Variants in GON4L observed in about 807,000 individuals in gnomAD.
GON4L encodes the protein GON-4-like protein.
In GON4L, 87 loss-of-function variants were observed where a neutral mutation model predicts 211.8. The ratio of observed to expected loss-of-function variants is 0.41; its 90% CI spans 0.35 to 0.49. The LOEUF (loss-of-function observed/expected upper bound fraction) is 0.49, where lower values mean the gene tolerates loss of function less well. Ranked by LOEUF, GON4L falls within the 20% of genes least tolerant of loss-of-function variation. The pLI is 0.15. For missense variants in GON4L, 2,155 were observed against 2,659.5 expected (o/e 0.81, Z 4.17); for synonymous variants, 875 against 962.6 (o/e 0.91, Z 1.68).
chr1:155,790,563 A>C (rs74871975), intron 12 of GON4L, among the ~76,000 whole-genome samples: 1 of 150,856 alleles, frequency 6.6e-6, no homozygotes, highest in African/African-American at 2.4e-5. Context: ...TTGCTGTTGC[A>C]TTTTTTTTTC....
rs750690367 is a variant in GON4L, at chr1:155,853,302, G to C, written c.479C>G (p.Pro160Arg). 8 of 1,613,938 alleles carry C rather than the reference G, an allele frequency of 5.0e-6. No individual in the cohort carries two copies. In the South Asian group the frequency reaches 8.8e-5, roughly 18 times the overall value. ...TCCTTCTTCCTTGACTTCTTCACTA[G>C]GCTCTCCTGAAAAAGGCTCCTTTAG... The part of the protein sequence containing the change: ...LTLKEPFSGE[P>R]SEEVKEEGGK... The change falls in exon 2 of 32, where the codon CCT (proline) becomes CGT (arginine). Residue 160 changes from proline to arginine, a missense_variant. Coordinates refer to ENST00000368331, the MANE Select transcript of GON4L (RefSeq NM_001282860.2).
downstream of GON4L, chr1:155,748,338 C>G (rs1660337216): frequency 6.7e-7 from 1 of 1,497,856 alleles, no homozygotes; most frequent in Non-Finnish European, 9.3e-7. Flanking sequence ...TGTTAACATT[C>G]TGCCTCCACA....
chr1:155,759,021 G>A (rs192842155), intron 24 of GON4L, among the ~76,000 whole-genome samples: 58 of 152,032 alleles, frequency 3.8e-4, no homozygotes, highest in African/African-American at 1.4e-3. Flanking sequence ...TTTGAGACAA[G>A]GTCTTGCTCT....
intron 2 of GON4L, among the ~76,000 whole-genome samples, chr1:155,851,715 C>CAA (rs113649637): frequency 6.9e-6 from 1 of 144,314 alleles, no homozygotes; most frequent in African/African-American, 2.5e-5. Context: ...GACTCCGTAT[C>CAA]AAAAAAAAAA....
chr1:155,824,762 CAA>C (rs58791710), intron 3 of GON4L, among the ~76,000 whole-genome samples: 26 of 52,084 alleles, frequency 5.0e-4, no homozygotes, highest in African/African-American at 7.8e-4. Context: ...GACTCTGTCG[CAA>C]AAAAAAAAAA....
At chr1:155,859,183 G>T (rs1338303826), upstream of GON4L, 1 of 152,694 alleles carries the variant, frequency 6.5e-6, no homozygotes, top group Admixed American at 6.5e-5. Context: ...AATCCAGGCA[G>T]TACAGAATTT....
intron 1 of GON4L, among the ~76,000 whole-genome samples, chr1:155,856,409 T>C (rs1337196228): frequency 2.6e-5 from 4 of 151,718 alleles, no homozygotes; most frequent in East Asian, 1.9e-4. Flanking sequence ...TTTTCTTTTT[T>C]TTTTTTTGTA....
Position 155,754,434 on chromosome 1 carries a change from C to T in GON4L, c.5572G>A (p.Gly1858Ser). Residue 1858 changes from glycine (G) to serine (S), a missense_variant, in exon 28 of 32, where the codon GGT becomes AGT. Around this residue, in one of 6 missense-constraint regions of GON4L, gnomAD observed 455 missense variants for 504.6 expected, o/e 0.90. Transcript: ENST00000368331. The stretch of plus-strand genomic sequence containing the variant: ...CTCTTCTTCAGCTTGGAATCTGGAC[C>T]TCCTTCATGGCAGGAGCAGGCACAG... ...KDCACSCHEG[G>S]PDSKLKKSKR... 6.2e-7 allele frequency: 1 copy of T among 1,613,534 alleles called. No individual in the cohort carries two copies. Among genetic ancestry groups the T allele is most frequent in the South Asian group, 1.1e-5 (1 of 91,078 alleles).
chr1:155,791,830 T>C (rs991297808), intron 12 of GON4L, among the ~76,000 whole-genome samples: 6 of 151,930 alleles, frequency 3.9e-5, no homozygotes, highest in Admixed American at 1.3e-4. Flanking sequence ...ATTGCACCAT[T>C]GCACTCCAGC....
At chr1:155,762,796 G>A (rs1319950726) in intron 22 of GON4L, among the ~76,000 whole-genome samples, 1 of 152,222 alleles carries the variant, frequency 6.6e-6, no homozygotes, top group East Asian at 1.9e-4. Flanking sequence ...CCAGCACTCT[G>A]GGAGGCCGAG....
chr1:155,754,630 A>C (rs1660981826), intron 27 of GON4L, 142 bp from the exon 28 acceptor site: 1 of 604,616 alleles, frequency 1.7e-6, no homozygotes, highest in Non-Finnish European at 2.9e-6. Flanking sequence ...CCCAGGTTCA[A>C]GGGATTCTCC....
chr1:155,783,857 G>A, intron 14 of GON4L, 129 bp downstream of exon 14: 1 of 1,529,652 alleles, frequency 6.5e-7, no homozygotes, highest in Non-Finnish European at 8.9e-7. Context: ...CTCCTGACAG[G>A]GCTCTGCATC....
intron 22 of GON4L, 101 bp from the exon 23 acceptor site, chr1:155,762,475 T>C (rs1442152152): frequency 4.1e-6 from 4 of 968,960 alleles, no homozygotes; most frequent in Non-Finnish European, 6.1e-6. Flanking sequence ...TTCAATATTA[T>C]GGAGCAATTC....
At chr1:155,785,593 G>A (rs188294642) in intron 12 of GON4L, among the ~76,000 whole-genome samples, 393 of 152,094 alleles carry the variant, frequency 2.6e-3, no homozygotes, top group South Asian at 0.015. Flanking sequence ...TGGTCCAATC[G>A]CTCCTCCCAC....
At chr1:155,857,687 C>A (rs1257869924), upstream of GON4L, among the ~76,000 whole-genome samples, 1 of 151,934 alleles carries the variant, frequency 6.6e-6, no homozygotes, top group African/African-American at 2.4e-5. Context: ...CGGCATCGTG[C>A]CACTGCACTC....
intron 16 of GON4L, 81 bp downstream of exon 16, chr1:155,776,314 G>C: frequency 2.1e-6 from 2 of 967,060 alleles, no homozygotes; most frequent in Admixed American, 1.8e-5. Flanking sequence ...TATAGATTAT[G>C]ATCAGTGAAT....
intron 2 of GON4L, among the ~76,000 whole-genome samples, chr1:155,840,242 G>A (rs1670655077): frequency 6.6e-6 from 1 of 152,154 alleles, no homozygotes; most frequent in Non-Finnish European, 1.5e-5. Flanking sequence ...TTAAATTCAA[G>A]TATTATTTTT....
At chr1:155,820,355 C>T (rs1668622306) in intron 6 of GON4L, among the ~76,000 whole-genome samples, 1 of 152,194 alleles carries the variant, frequency 6.6e-6, no homozygotes, top group Non-Finnish European at 1.5e-5. Context: ...ACTGGTCTCA[C>T]CTATTGATTT....
chr1:155,853,985 T>C (rs920346992), intron 1 of GON4L, among the ~76,000 whole-genome samples, 179 bp from the exon 2 acceptor site: 2 of 152,202 alleles, frequency 1.3e-5, no homozygotes, highest in East Asian at 1.9e-4. Context: ...AAATCTCAAC[T>C]CTACTGATTA....
Sources: allele counts gnomAD v4.1 joint callset (sites outside exome capture counted in the v4.1 genomes callset), GRCh38; gene constraint gnomAD v4.1.1; regional missense constraint gnomAD v4.1.1; transcripts MANE v1.5; gene names NCBI Gene and HGNC (gene_info 2026-07-23, HGNC 2026-07-21).